The following NAB1 variants were observed in gnomAD, a reference collection of about 807,000 sequenced individuals.
The protein encoded by NAB1 is NGFI-A binding protein 1, also known as NGFI-A-binding protein 1.
NAB1 carries 25 observed loss-of-function variants against 49.9 expected under a neutral mutation model. The observed-to-expected ratio is 0.50, with a 90% confidence interval of 0.37 to 0.70. NAB1 has a LOEUF of 0.70. Among genes scored for constraint, NAB1 ranks in the 30% least tolerant of loss-of-function variants. The probability of loss-of-function intolerance (pLI) is 0.00; values close to 1 mark genes in which losing one functional copy is unlikely to be tolerated. For missense variants in NAB1, 489 were observed against 575.9 expected (o/e 0.85, Z 1.54); for synonymous variants, 198 against 215.6 (o/e 0.92, Z 0.71).
Position 190,649,521 on chromosome 2 carries a change from G to A in NAB1, c.-334+161G>A, listed in dbSNP as rs1693535756. The A allele has an allele frequency of 6.6e-6, 1 of 152,126 alleles. No homozygotes were observed. The highest frequency in any genetic ancestry group is 1.5e-5 in the Non-Finnish European group (1 of 68,038). The allele number at this position is 152,126 out of a possible 1,614,324, so 9.4% of individuals were successfully genotyped here. On this transcript the variant is annotated intron_variant, in intron 1 of 9. Coordinates refer to ENST00000337386, the MANE Select transcript of NAB1 (RefSeq NM_005966.4). The surrounding 1 kb of genome is among the most constrained non-coding windows in gnomAD (Gnocchi z 6.1). ...AAGCGGGCTCCGCGCGGCCGCCGCC[G>A]GAAGGAGAGGGCGGCCCCGGGCTCG...
In NAB1 at chr2:190,656,634, A is replaced by G. The variant is rs528841703; in HGVS notation, c.-20+481A>G. 2.0e-5 allele frequency among the ~76,000 whole-genome samples: 3 copies of G among 152,282 alleles called. No individual in the cohort carries two copies. The South Asian group carries it at 6.2e-4, about 32-fold the overall frequency. ...CCCATGCAGAGGGCTTTCTCTTAAG[A>G]ACTAGGGGGTTTCATTTTTTTTTTA... is the stretch of plus-strand genomic sequence containing the variant. On this transcript the variant is annotated intron_variant, in intron 3 of 9. Transcript: ENST00000337386.
At chr2:190,690,030 T>G (rs1023700085) in intron 9 of NAB1, among the ~76,000 whole-genome samples, 2 of 149,930 alleles carry the variant, frequency 1.3e-5, no homozygotes, top group African/African-American at 4.9e-5. Flanking sequence ...ATATGTATAC[T>G]ATATGTATAC....
chr2:190,660,541 C>G (rs1403662203), intron 4 of NAB1, among the ~76,000 whole-genome samples: 1 of 152,108 alleles, frequency 6.6e-6, no homozygotes, highest in Non-Finnish European at 1.5e-5. Flanking sequence ...TGCTTAAGTT[C>G]ATGTGTGTGT....
In NAB1 at chr2:190,687,288, A is replaced by T. The variant is rs950147178; in HGVS notation, c.1346A>T (p.Tyr449Phe). 2.5e-6 allele frequency: 4 copies of T among 1,596,166 alleles called. No homozygotes were observed. The highest frequency in any genetic ancestry group is 3.4e-6 in the Non-Finnish European group (4 of 1,174,592). The stretch of plus-strand genomic sequence containing the variant: ...GTGGATGGGGAGCTGAGCAGACTTT[A>T]CCCCAGTGAGGCAAAGTCCCACTCA... Reference protein sequence around the residue: ...FVVDGELSRLYPSEAKSHSSE... With the variant: ...FVVDGELSRLFPSEAKSHSSE... Residue 449 changes from tyrosine (Y) to phenylalanine (F), a missense_variant, in exon 9 of 10, where the codon TAC (tyrosine) becomes TTC (phenylalanine). Physicochemically the swap from Tyr to Phe is conservative, Grantham distance 22. This residue lies in a region of NAB1 where 212 missense variants were observed against 199.3 expected (regional missense o/e 1.06). Transcript: ENST00000337386.
In NAB1 at chr2:190,690,622, A is replaced by C. The variant is rs190486221; in HGVS notation, c.*289A>C. On this transcript the variant is annotated 3_prime_UTR_variant, in exon 10 of 10. Coordinates refer to ENST00000337386, the MANE Select transcript of NAB1 (RefSeq NM_005966.4). ...TTACAAATCAATATTGTAAGCATTCATTATTTAAGAATGTACAATGTATTT... is the reference window on the plus strand; with the variant it reads ...TTACAAATCAATATTGTAAGCATTCCTTATTTAAGAATGTACAATGTATTT... 4.1e-5 allele frequency: 11 copies of C among 266,838 alleles called. No individual in the cohort carries two copies. The highest frequency in any genetic ancestry group is 2.9e-4 in the Admixed American group (6 of 20,844). The allele number at this position is 266,838 out of a possible 1,614,324, so 16.5% of individuals were successfully genotyped here.
At chr2:190,650,711 C>G (rs1047527957) in intron 2 of NAB1, among the ~76,000 whole-genome samples, 1 of 152,122 alleles carries the variant, frequency 6.6e-6, no homozygotes, top group African/African-American at 2.4e-5. Flanking sequence ...AATCTGAGTG[C>G]CAGTAAAAGT....
chr2:190,649,000 C>CGGGGGA (rs1198325001), upstream of NAB1: 1 of 84,100 alleles, frequency 1.2e-5, no homozygotes, highest in East Asian at 3.7e-4. Flanking sequence ...CGGAGGCGGG[C>CGGGGGA]GGGGGAGGGG....
chr2:190,655,597 T>C (rs1332025318), intron 2 of NAB1, among the ~76,000 whole-genome samples: 1 of 152,184 alleles, frequency 6.6e-6, no homozygotes, highest in African/African-American at 2.4e-5. Context: ...GATAGAATGG[T>C]GAGCCCAGAA....
At chr2:190,664,561 T>C (rs1354639454) in intron 4 of NAB1, among the ~76,000 whole-genome samples, 10 of 141,014 alleles carry the variant, frequency 7.1e-5, no homozygotes, top group East Asian at 6.3e-4. Context: ...TTCCTTCCTT[T>C]CTTCCTCTCT....
In NAB1 at chr2:190,679,691, A is replaced by G. The variant is rs920775709; in HGVS notation, c.1006-4047A>G. On this transcript the variant is annotated intron_variant, in intron 6 of 9. Transcript: ENST00000337386. The surrounding 1 kb of genome is among the most constrained non-coding windows in gnomAD (Gnocchi z 5.3). ...TTAAAAATTTGGATCACTGGAAATA[A>G]TGAGGTTTACTTTTTTGCCTGAGAT... Among the ~76,000 whole-genome samples, 4 of 152,184 alleles carry G rather than the reference A, an allele frequency of 2.6e-5. No individual in the cohort carries two copies. Among genetic ancestry groups the G allele is most frequent in the African/African-American group, 9.7e-5 (4 of 41,440 alleles).
At chr2:190,658,393 C>A (rs1323384164) in intron 3 of NAB1, among the ~76,000 whole-genome samples, 2 of 152,182 alleles carry the variant, frequency 1.3e-5, no homozygotes, top group Admixed American at 1.3e-4. Context: ...GAATTCTGAA[C>A]TCTCAGATGT....
Position 190,675,733 on chromosome 2 carries a change from G to A in NAB1, c.1005+2581G>A, listed in dbSNP as rs534126312. Among the ~76,000 whole-genome samples the A allele has an allele frequency of 7.9e-5, 12 of 152,264 alleles. No homozygotes were observed. Among genetic ancestry groups the A allele is most frequent in the Non-Finnish European group, 8.8e-5 (6 of 68,022 alleles). On this transcript the variant is annotated intron_variant, in intron 6 of 9. Coordinates refer to ENST00000337386, the MANE Select transcript of NAB1 (RefSeq NM_005966.4). The surrounding 1 kb of genome is among the most constrained non-coding windows in gnomAD (Gnocchi z 5.2). ...TGATTTTGTTTCCCAGAAATAAGTA[G>A]TAACTACACCTTTGAATTTAGGACA... is the stretch of plus-strand genomic sequence containing the variant.
In NAB1 at chr2:190,675,412, A is replaced by T. The variant is rs78820890; in HGVS notation, c.1005+2260A>T. 7.0e-3 allele frequency among the ~76,000 whole-genome samples: 1,063 copies of T among 152,244 alleles called. 7 individuals carry two copies. Among genetic ancestry groups the T allele is most frequent in the Non-Finnish European group, 0.011 (739 of 67,996 alleles). On this transcript the variant is annotated intron_variant, in intron 6 of 9. Coordinates refer to ENST00000337386, the MANE Select transcript of NAB1 (RefSeq NM_005966.4). The surrounding 1 kb of genome is among the most constrained non-coding windows in gnomAD (Gnocchi z 5.2). ...TTTCTGACCCTCTCAGAGGCCTTGT[A>T]TTTCATTACAGTGCTTTCAGTTTCT... is the stretch of plus-strand genomic sequence containing the variant.
Position 190,659,530 on chromosome 2 carries a change from C to T in NAB1, c.354C>T (p.Ser118=). 2.5e-6 allele frequency: 4 copies of T among 1,614,204 alleles called. No homozygotes were observed. In the Admixed American group the frequency reaches 6.7e-5, roughly 27 times the overall value. Residue 118 remains serine (S), a synonymous_variant, in exon 4 of 10, where the codon AGC becomes AGT. Coordinates refer to ENST00000337386, the MANE Select transcript of NAB1 (RefSeq NM_005966.4). This position sits in a 1 kb window ranked among gnomAD's most constrained non-coding sequence, Gnocchi z 6.2. ...GISCSSYERS[S]NAREPHLKIP... ...CCTGCAGTAGTTATGAAAGGAGTAG[C>T]AATGCCCGGGAACCTCATTTAAAAA...
In NAB1 at chr2:190,685,659, A is replaced by G. The variant is rs770568065; in HGVS notation, c.1258+21A>G. The G allele has an allele frequency of 9.5e-6, 15 of 1,570,930 alleles. No homozygotes were observed. Among genetic ancestry groups the G allele is most frequent in the Middle Eastern group, 1.7e-4 (1 of 5,930 alleles). ...ACAAGGTACATCTTTAGAATATCCTATGCCTTTAGGGCCACTATGTGCACT... is the reference window on the plus strand; with the variant it reads ...ACAAGGTACATCTTTAGAATATCCTGTGCCTTTAGGGCCACTATGTGCACT... On this transcript the variant is annotated intron_variant, in intron 8 of 9. Transcript: ENST00000337386. The surrounding 1 kb of genome is among the most constrained non-coding windows in gnomAD (Gnocchi z 4.5).
At position 190,674,245 on chromosome 2, in the gene NAB1, G is replaced by A. The variant is rs907542150; in HGVS notation, c.1005+1093G>A. On this transcript the variant is annotated intron_variant, in intron 6 of 9. Transcript: ENST00000337386. The surrounding 1 kb of genome is among the most constrained non-coding windows in gnomAD (Gnocchi z 5.7). ...GACTGCAGCTTGCATCTCCTACCTT[G>A]TCTGCTGCCACACTCTCCATTCTTA... 1.3e-5 allele frequency among the ~76,000 whole-genome samples: 2 copies of A among 151,948 alleles called. No individual in the cohort carries two copies. The highest frequency in any genetic ancestry group is 2.9e-5 in the Non-Finnish European group (2 of 67,992).
At position 190,674,940 on chromosome 2, in the gene NAB1, A is replaced by G. The variant is rs1358584976; in HGVS notation, c.1005+1788A>G. 6.6e-6 allele frequency among the ~76,000 whole-genome samples: 1 copy of G among 152,236 alleles called. No individual in the cohort carries two copies. Among genetic ancestry groups the G allele is most frequent in the Non-Finnish European group, 1.5e-5 (1 of 68,046 alleles). On this transcript the variant is annotated intron_variant, in intron 6 of 9. Coordinates refer to ENST00000337386, the MANE Select transcript of NAB1 (RefSeq NM_005966.4). The surrounding 1 kb of genome is among the most constrained non-coding windows in gnomAD (Gnocchi z 5.7). ...CTACCTCACTGTTAGCTCTGGAATAATGTTTAAGATGGTTAACTCAGAAAA... is the reference window on the plus strand; with the variant it reads ...CTACCTCACTGTTAGCTCTGGAATAGTGTTTAAGATGGTTAACTCAGAAAA...
chr2:190,683,297 ATTTTTTTTT>A (rs767640681), intron 6 of NAB1, among the ~76,000 whole-genome samples: 1 of 76,134 alleles, frequency 1.3e-5, no homozygotes, highest in African/African-American at 6.5e-5. Flanking sequence ...CTCCCAGCTA[ATTTTTTTTT>A]TTTTTTTTTT....
chr2:190,671,491 T>C (rs1265010031), intron 5 of NAB1, among the ~76,000 whole-genome samples: 1 of 148,582 alleles, frequency 6.7e-6, no homozygotes, highest in East Asian at 2.0e-4. Context: ...ATTTATAAGG[T>C]TTTTTTTTTG....
Sources: gnomAD v4.1 joint callset for allele counts (sites outside exome capture counted in the v4.1 genomes callset) on GRCh38, gnomAD v4.1.1 for gene constraint, gnomAD v4.1.1 regional missense constraint, Gnocchi (gnomAD v3.1) non-coding constraint, MANE v1.5 for transcripts, NCBI Gene and HGNC (gene_info 2026-07-23, HGNC 2026-07-21) for gene names.